The following ROBO2 variants were observed in gnomAD, a reference collection of about 807,000 sequenced individuals.
ROBO2 encodes the protein roundabout guidance receptor 2, also known as roundabout homolog 2.
ROBO2 carries 53 observed loss-of-function variants against 160.8 expected under a neutral mutation model. That is an observed-to-expected ratio of 0.33 (90% CI 0.26 to 0.41). The LOEUF is 0.41. Among genes scored for constraint, ROBO2 ranks in the 10% least tolerant of loss-of-function variants. The probability of loss-of-function intolerance (pLI) is 1.00; values close to 1 mark genes in which losing one functional copy is unlikely to be tolerated. For missense variants in ROBO2, 1,577 were observed against 1,722.4 expected, an observed-to-expected ratio of 0.92 and a Z score of 1.49; for synonymous variants, 664 against 611.7, an observed-to-expected ratio of 1.09 and a Z score of -1.26.
intron 24 of ROBO2, among the ~76,000 whole-genome samples, chr3:77,639,778 G>C (rs775502296): frequency 2.0e-5 from 3 of 152,138 alleles, no homozygotes; most frequent in Non-Finnish European, 4.4e-5. Context: ...ATGTGTGTGT[G>C]TGTAAGGCAG....
intron 2 of ROBO2, among the ~76,000 whole-genome samples, chr3:76,624,778 CAG>C (rs979376067): frequency 8.9e-5 from 10 of 112,910 alleles, no homozygotes; most frequent in African/African-American, 3.3e-4. Context: ...GCCTGAGTGA[CAG>C]AGTGAGACTC....
chr3:76,733,133 C>A (rs951637937), intron 2 of ROBO2, among the ~76,000 whole-genome samples: 42 of 152,014 alleles, frequency 2.8e-4, no homozygotes, highest in African/African-American at 9.4e-4. Context: ...TGATCAGATA[C>A]AAATTACCCA....
intron 2 of ROBO2, among the ~76,000 whole-genome samples, chr3:76,823,812 C>T (rs1216320993): frequency 6.6e-6 from 1 of 152,068 alleles, no homozygotes; most frequent in Non-Finnish European, 1.5e-5. Flanking sequence ...CATGTATGAG[C>T]AGTTATAAGT....
At chr3:76,067,567 G>T (rs9815982) in intron 2 of ROBO2, among the ~76,000 whole-genome samples, 92,111 of 151,810 alleles carry the variant, frequency 0.61, 28,469 homozygotes, top group Middle Eastern at 0.76. Flanking sequence ...AAGTAGAAAA[G>T]GAATCTCTTT....
intron 2 of ROBO2, among the ~76,000 whole-genome samples, chr3:77,311,999 C>T (rs948979502): frequency 2.0e-4 from 30 of 151,988 alleles, no homozygotes; most frequent in African/African-American, 7.2e-4. Context: ...GGCAGGAGAA[C>T]TGCTTGAACC....
rs376690252 is a variant in ROBO2, at chr3:76,735,860, G to A, written c.110-362154G>A. On this transcript the variant is annotated intron_variant, in intron 2 of 26. Transcript: ENST00000487694. ...ACTATGCTCACTGTCTTGGTTACAG[G>A]AGCTGTACCCCAAACCTCAGCATCA... Among the ~76,000 whole-genome samples the A allele has an allele frequency of 7.7e-4, 117 of 151,344 alleles. 2 individuals are homozygous for A. In the East Asian group the frequency reaches 0.016, roughly 20 times the overall value.
intron 2 of ROBO2, among the ~76,000 whole-genome samples, chr3:76,594,762 A>T (rs1474331628): frequency 6.6e-6 from 1 of 152,066 alleles, no homozygotes; most frequent in African/African-American, 2.4e-5. Flanking sequence ...TCCCAAATTT[A>T]CTTTGAGGTC....
rs190238346 is a variant in ROBO2 at position 76,950,198 on chromosome 3, T to A, written c.110-147816T>A. On this transcript the variant is annotated intron_variant, in intron 2 of 26. Coordinates refer to the ROBO2 transcript ENST00000487694. ...ACTGGGAGGATTACAATTTTTCATGTCAATATTTGTTCTACGGTGTTCAGT... is the reference window on the plus strand; with the variant it reads ...ACTGGGAGGATTACAATTTTTCATGACAATATTTGTTCTACGGTGTTCAGT... 9.2e-5 allele frequency among the ~76,000 whole-genome samples: 14 copies of A among 152,330 alleles called. No individual in the cohort carries two copies. In the East Asian group the frequency reaches 2.7e-3, roughly 29 times the overall value.
intron 2 of ROBO2, among the ~76,000 whole-genome samples, chr3:76,455,034 A>AAAACT (rs2077679097): frequency 6.6e-6 from 1 of 152,134 alleles, no homozygotes; most frequent in Non-Finnish European, 1.5e-5. Flanking sequence ...AGGTAAAATA[A>AAAACT]AGTTAAAATG....
intron 6 of ROBO2, among the ~76,000 whole-genome samples, chr3:77,542,352 T>G (rs2153645229): frequency 6.6e-6 from 1 of 152,296 alleles, no homozygotes; most frequent in East Asian, 1.9e-4. Flanking sequence ...TCTTCAAATT[T>G]TTTGCTTTGA....
intron 1 of ROBO2, among the ~76,000 whole-genome samples, chr3:77,072,386 C>A (rs560044715): frequency 6.6e-6 from 1 of 152,140 alleles, no homozygotes; most frequent in African/African-American, 2.4e-5. Context: ...TCCTGCCGCC[C>A]ACACTACTCC....
chr3:77,527,970 G>T lies in ROBO2; in HGVS notation c.934+5068G>T, dbSNP rs1341756459. 2.6e-5 allele frequency among the ~76,000 whole-genome samples: 4 copies of T among 151,678 alleles called. No individual in the cohort carries two copies. In the Admixed American group the frequency reaches 2.6e-4, roughly 10 times the overall value. On this transcript the variant is annotated intron_variant, in intron 6 of 25. Transcript: ENST00000461745. ...CCCTAAGTGGGGGAGGGATAGTGGA[G>T]CTGTGTTCTTTGGCATGAAATCTGA... is the stretch of plus-strand genomic sequence containing the variant.
intron 2 of ROBO2, among the ~76,000 whole-genome samples, chr3:76,141,431 C>A (rs537364219): frequency 6.7e-6 from 1 of 149,724 alleles, no homozygotes; most frequent in African/African-American, 2.5e-5. Flanking sequence ...ATGTACCCAC[C>A]GAATATAATT....
intron 2 of ROBO2, among the ~76,000 whole-genome samples, chr3:76,355,680 A>G (rs1361175155): frequency 6.6e-6 from 1 of 151,840 alleles, no homozygotes; most frequent in Non-Finnish European, 1.5e-5. Flanking sequence ...GATAAATAAA[A>G]AATTCTTAAA....
At chr3:76,095,876 A>G (rs939092035) in intron 2 of ROBO2, among the ~76,000 whole-genome samples, 1 of 152,182 alleles carries the variant, frequency 6.6e-6, no homozygotes, top group Non-Finnish European at 1.5e-5. Context: ...ATAAATGTGT[A>G]AAATATATAA....
intron 2 of ROBO2, among the ~76,000 whole-genome samples, chr3:76,049,873 T>A (rs1224722553): frequency 6.6e-6 from 1 of 152,036 alleles, no homozygotes; most frequent in Non-Finnish European, 1.5e-5. Context: ...TATTTTTGCC[T>A]CCTGCCGCAG....
intron 2 of ROBO2, among the ~76,000 whole-genome samples, chr3:76,568,974 G>A (rs988619952): frequency 2.6e-5 from 4 of 152,152 alleles, no homozygotes; most frequent in African/African-American, 9.7e-5. Flanking sequence ...AGAATTCAAA[G>A]TGCTTCCACA....
intron 2 of ROBO2, among the ~76,000 whole-genome samples, chr3:76,874,549 G>A (rs1317446666): frequency 6.6e-6 from 1 of 152,162 alleles, no homozygotes; most frequent in African/African-American, 2.4e-5. Context: ...GGGCCATGGT[G>A]CCTGCACTTC....
intron 2 of ROBO2, among the ~76,000 whole-genome samples, chr3:77,271,015 G>A (rs764374142): frequency 3.3e-5 from 5 of 151,312 alleles, no homozygotes; most frequent in Non-Finnish European, 7.4e-5. Context: ...ATGATTTTAT[G>A]AGAAATAATA....
Sources: allele counts gnomAD v4.1 joint callset (sites outside exome capture counted in the v4.1 genomes callset), GRCh38; gene constraint gnomAD v4.1.1; transcripts MANE v1.5; gene names NCBI Gene and HGNC (gene_info 2026-07-23, HGNC 2026-07-21).